The following EXOC6 variants were observed in gnomAD, a reference collection of about 807,000 sequenced individuals.
The protein encoded by EXOC6 is SEC15-like 1.
In EXOC6, 60 loss-of-function variants were observed where a neutral mutation model predicts 112.5. The ratio of observed to expected loss-of-function variants is 0.53; its 90% CI spans 0.43 to 0.66. The LOEUF (loss-of-function observed/expected upper bound fraction) is 0.66. EXOC6 is among the 30% of genes least tolerant of loss of function. The pLI is 0.00. For missense variants in EXOC6, 855 were observed against 957.1 expected (o/e 0.89, Z 1.41); for synonymous variants, 295 against 308.0 (o/e 0.96, Z 0.44).
chr10:92,998,020 C>T (rs904654250), intron 19 of EXOC6, among the ~76,000 whole-genome samples: 4 of 152,162 alleles, frequency 2.6e-5, no homozygotes, highest in African/African-American at 9.7e-5. Flanking sequence ...ACCTTGCATT[C>T]CAAATGAAAT....
At chr10:92,953,613 G>A (rs187494973) in intron 15 of EXOC6, among the ~76,000 whole-genome samples, 113 of 152,228 alleles carry the variant, frequency 7.4e-4, no homozygotes, top group African/African-American at 2.1e-3. Context: ...CAGTCTCCAC[G>A]ACAAAGAATT....
chr10:93,018,788 G>A (rs1429980934), intron 20 of EXOC6, among the ~76,000 whole-genome samples: 3 of 151,904 alleles, frequency 2.0e-5, no homozygotes, highest in Non-Finnish European at 4.4e-5. Context: ...TCTGGGAGGT[G>A]AGGATGATGG....
Position 92,955,790 on chromosome 10 carries a change from T to C in EXOC6, c.1773+76T>C, listed in dbSNP as rs924949100. 16 of 1,335,474 alleles carry C rather than the reference T, an allele frequency of 1.2e-5. No individual in the cohort carries two copies. In the African/African-American group the frequency reaches 1.6e-4, roughly 14 times the overall value. 82.7% of individuals were successfully genotyped at this position (1,335,474 alleles called of 1,614,324 possible). A position where few individuals can be genotyped will look rare whatever the true frequency, so the allele number is the denominator to read the frequency against. On this transcript the variant is annotated intron_variant, in intron 17 of 21. Coordinates refer to ENST00000260762, the MANE Select transcript of EXOC6 (RefSeq NM_019053.6). ...GTTAAGAAATTAAAGACCGTTCTTATATATGCAAGATCTACTATATTCCTA... is the reference window on the plus strand; with the variant it reads ...GTTAAGAAATTAAAGACCGTTCTTACATATGCAAGATCTACTATATTCCTA...
chr10:92,839,070 T>TAAAAA (rs778968233), intron 1 of EXOC6, among the ~76,000 whole-genome samples: 1 of 142,422 alleles, frequency 7.0e-6, no homozygotes, highest in African/African-American at 2.6e-5. Context: ...GAGACTCCTC[T>TAAAAA]AAAAAAAAAA....
chr10:93,046,179 G>A (rs945960563), intron 20 of EXOC6, among the ~76,000 whole-genome samples: 1 of 152,160 alleles, frequency 6.6e-6, no homozygotes, highest in Non-Finnish European at 1.5e-5. Flanking sequence ...TGAAGATACA[G>A]ATACTAAGCA....
intron 18 of EXOC6, among the ~76,000 whole-genome samples, chr10:92,988,591 G>A (rs1318741764): frequency 1.3e-5 from 2 of 152,056 alleles, no homozygotes; most frequent in African/African-American, 2.4e-5. Flanking sequence ...AACATCAGGG[G>A]TTCTTGATTA....
rs1163656723 is a variant in EXOC6 at position 92,941,440 on chromosome 10, T to G, written c.1310+616T>G. 3.3e-5 allele frequency among the ~76,000 whole-genome samples: 5 copies of G among 152,230 alleles called. No individual in the cohort carries two copies. The East Asian group carries it at 7.7e-4, about 23-fold the overall frequency. Reference sequence around the variant, plus strand: ...GTCTCTGCTTTCAAATCTTTTGGGTTTATACCCAGAAGTGAAATGCTGGAT... The same window carrying G: ...GTCTCTGCTTTCAAATCTTTTGGGTGTATACCCAGAAGTGAAATGCTGGAT... On this transcript the variant is annotated intron_variant, in intron 13 of 21. Coordinates refer to ENST00000260762, the MANE Select transcript of EXOC6 (RefSeq NM_019053.6).
chr10:92,864,617 A>G (rs1417075855), intron 1 of EXOC6, among the ~76,000 whole-genome samples: 1 of 151,792 alleles, frequency 6.6e-6, no homozygotes, highest in Non-Finnish European at 1.5e-5. Context: ...AAGGTCTGCC[A>G]TCGCCAATGT....
intron 1 of EXOC6, among the ~76,000 whole-genome samples, chr10:92,879,436 C>T (rs1364646268): frequency 6.6e-6 from 1 of 152,114 alleles, no homozygotes; most frequent in East Asian, 1.9e-4. Flanking sequence ...CACTGCACTC[C>T]AGCCTGGGAA....
chr10:93,027,796 G>A lies in EXOC6; in HGVS notation c.2169+13529G>A, dbSNP rs539252134. On this transcript the variant is annotated intron_variant, in intron 20 of 21. Coordinates refer to ENST00000260762, the MANE Select transcript of EXOC6 (RefSeq NM_019053.6). The stretch of plus-strand genomic sequence containing the variant: ...ACTTCATCACTCAAGAACTCTGATG[G>A]ATATGTACAAGGAAATAAATGTTTT... Among the ~76,000 whole-genome samples, 125 of 152,350 alleles carry A rather than the reference G, an allele frequency of 8.2e-4. 1 individual carries two copies. The highest frequency in any genetic ancestry group is 1.2e-3 in the South Asian group (6 of 4,824).
intron 18 of EXOC6, among the ~76,000 whole-genome samples, chr10:92,988,353 C>A (rs1423141710): frequency 6.6e-6 from 1 of 152,060 alleles, no homozygotes; most frequent in Non-Finnish European, 1.5e-5. Flanking sequence ...ATTGAAAATT[C>A]TTCTTAGGGA....
intron 20 of EXOC6, among the ~76,000 whole-genome samples, chr10:93,025,128 TTAAC>T (rs1844969148): frequency 1.3e-5 from 2 of 152,170 alleles, no homozygotes; most frequent in Non-Finnish European, 2.9e-5. Context: ...AAGTCTATGT[TTAAC>T]TTTTTTAAAA....
chr10:93,011,860 G>A (rs1016243139), intron 19 of EXOC6, among the ~76,000 whole-genome samples: 3 of 152,154 alleles, frequency 2.0e-5, no homozygotes, highest in African/African-American at 7.2e-5. Flanking sequence ...TAGGGTAATG[G>A]TGATACCACT....
At chr10:93,056,458 C>G (rs919307525) in intron 20 of EXOC6, among the ~76,000 whole-genome samples, 3 of 152,108 alleles carry the variant, frequency 2.0e-5, no homozygotes, top group Non-Finnish European at 4.4e-5. Context: ...GTTTAAATTA[C>G]TTTGGAAAAA....
At chr10:92,872,611 T>C (rs1036014930) in intron 1 of EXOC6, among the ~76,000 whole-genome samples, 2 of 152,090 alleles carry the variant, frequency 1.3e-5, no homozygotes, top group African/African-American at 4.8e-5. Context: ...GTTTCTCTTT[T>C]TTGTTGCATC....
intron 14 of EXOC6, among the ~76,000 whole-genome samples, chr10:92,950,543 GATAAA>G (rs1362103567): frequency 6.6e-6 from 1 of 152,108 alleles, no homozygotes; most frequent in Non-Finnish European, 1.5e-5. Context: ...AGTGAGGATA[GATAAA>G]ATAAATAAGA....
intron 1 of EXOC6, among the ~76,000 whole-genome samples, chr10:92,840,140 T>C (rs1466788390): frequency 6.6e-6 from 1 of 151,150 alleles, no homozygotes; most frequent in African/African-American, 2.4e-5. Context: ...AAAAAAACCC[T>C]AAACTGTATA....
intron 5 of EXOC6, among the ~76,000 whole-genome samples, chr10:92,907,821 A>G (rs1022897705): frequency 6.6e-6 from 1 of 152,118 alleles, no homozygotes; most frequent in Non-Finnish European, 1.5e-5. Context: ...TATTATCAAA[A>G]TTATTGTAAT....
intron 1 of EXOC6, among the ~76,000 whole-genome samples, chr10:92,856,747 C>A (rs904328579): frequency 7.9e-5 from 12 of 152,066 alleles, no homozygotes; most frequent in Non-Finnish European, 1.5e-4. Context: ...CCCTTTTGGT[C>A]TTCTGCTTAG....
Sources: gnomAD v4.1 joint callset for allele counts (sites outside exome capture counted in the v4.1 genomes callset) on GRCh38, gnomAD v4.1.1 for gene constraint, MANE v1.5 for transcripts, NCBI Gene and HGNC (gene_info 2026-07-23, HGNC 2026-07-21) for gene names.